CD109: variants seen among roughly 807,000 people sequenced by gnomAD.
CD109 encodes CD109 antigen.
A neutral mutation model predicts 165.8 loss-of-function variants in CD109; 149 were observed. The ratio of observed to expected loss-of-function variants is 0.90; its 90% CI spans 0.79 to 1.03. CD109 has a LOEUF of 1.03. CD109 is among the 50% of genes least tolerant of loss of function. The pLI is 0.00. For synonymous variants in CD109, 585 were observed against 592.1 expected (o/e 0.99, Z 0.18); for missense variants, 1,712 against 1,677.8 (o/e 1.02, Z -0.36).
chr6:73,809,944 C>A, intron 26 of CD109, 40 bp from the exon 27 acceptor site: 1 of 1,510,322 alleles, frequency 6.6e-7, no homozygotes, highest in South Asian at 1.3e-5. Flanking sequence ...TGTAATTTTT[C>A]TGGATAATTG....
chr6:73,762,687 C>G (rs1582119235), intron 8 of CD109, 54 bp from the exon 9 acceptor site: 1 of 1,441,936 alleles, frequency 6.9e-7, no homozygotes, highest in African/African-American at 1.4e-5. Context: ...AGTTTTATTT[C>G]TAAAATTTGA....
intron 5 of CD109, among the ~76,000 whole-genome samples, chr6:73,750,765 G>A (rs962277783): frequency 2.6e-5 from 4 of 152,096 alleles, no homozygotes; most frequent in African/African-American, 9.7e-5. Flanking sequence ...AGTTATTTAT[G>A]TGTAACTGTG....
chr6:73,782,540 A>G, intron 17 of CD109, 74 bp from the exon 18 acceptor site: 2 of 1,423,426 alleles, frequency 1.4e-6, no homozygotes, highest in Non-Finnish European at 2.0e-6. Flanking sequence ...ATTGACATTC[A>G]TTTTGTATGT....
chr6:73,790,649 C>G, intron 22 of CD109, among the ~76,000 whole-genome samples: 1 of 152,004 alleles, frequency 6.6e-6, no homozygotes, highest in East Asian at 1.9e-4. Flanking sequence ...AAATCCCAGT[C>G]CTAGGAGAAG....
intron 2 of CD109, among the ~76,000 whole-genome samples, chr6:73,706,676 G>A (rs1325508961): frequency 6.6e-5 from 10 of 152,246 alleles, no homozygotes; most frequent in Middle Eastern, 3.4e-3. Flanking sequence ...TTGGTGGAGG[G>A]GGTAGCAGTA....
At chr6:73,728,036 T>G (rs1772204264) in intron 3 of CD109, among the ~76,000 whole-genome samples, 2 of 152,100 alleles carry the variant, frequency 1.3e-5, no homozygotes, top group African/African-American at 4.8e-5. Context: ...AAATACTTCT[T>G]TAGGCTGGGC....
intron 5 of CD109, among the ~76,000 whole-genome samples, chr6:73,746,902 C>G (rs971636922): frequency 6.6e-6 from 1 of 152,204 alleles, no homozygotes; most frequent in Non-Finnish European, 1.5e-5. Context: ...GATCCAGGAA[C>G]AAAACTGTCT....
At chr6:73,755,953 C>T (rs954735232) in intron 5 of CD109, among the ~76,000 whole-genome samples, 1 of 151,534 alleles carries the variant, frequency 6.6e-6, no homozygotes. Context: ...AAAGTGAGAC[C>T]CTGTCTGAAA....
rs770712383 is a variant in CD109 at position 73,766,056 on chromosome 6, A to G, written c.1234A>G (p.Met412Val). The part of the protein sequence containing the change: ...WSGSNSGNQK[M>V]EAVQKINYTV... ...CGGATCTAACAGTGGAAATCAGAAA[A>G]TGGAAGCTGTTCAGAAAATAAATTA... is the stretch of plus-strand genomic sequence containing the variant. The change falls in exon 11 of 33, where the codon ATG (methionine) becomes GTG (valine). Residue 412 changes from methionine to valine, a missense_variant. By Grantham distance (21) the Met-to-Val change is conservative (BLOSUM62 1). Coordinates refer to ENST00000287097, the MANE Select transcript of CD109 (RefSeq NM_133493.5). 1 of 1,614,112 alleles carries G rather than the reference A, an allele frequency of 6.2e-7. No individual in the cohort carries two copies. Among genetic ancestry groups the G allele is most frequent in the South Asian group, 1.1e-5 (1 of 91,074 alleles).
intron 27 of CD109, among the ~76,000 whole-genome samples, 169 bp downstream of exon 27, chr6:73,810,343 A>G (rs1027839334): frequency 3.3e-5 from 5 of 150,338 alleles, no homozygotes; most frequent in Non-Finnish European, 5.9e-5. Flanking sequence ...TCATAAAATT[A>G]CTTGGCAGTT....
chr6:73,742,104 C>G (rs528620291), intron 5 of CD109, among the ~76,000 whole-genome samples: 1 of 152,170 alleles, frequency 6.6e-6, no homozygotes, highest in African/African-American at 2.4e-5. Context: ...CATTCATCAC[C>G]ACCATCCATC....
intron 27 of CD109, among the ~76,000 whole-genome samples, 170 bp downstream of exon 27, chr6:73,810,344 C>T (rs1264527390): frequency 6.7e-6 from 1 of 149,624 alleles, no homozygotes; most frequent in Non-Finnish European, 1.5e-5. Context: ...CATAAAATTA[C>T]TTGGCAGTTT....
chr6:73,792,708 T>C lies in CD109; in HGVS notation c.2784T>C (p.Asn928=). ...GCTGTGGTGAACAGAACATGATAAA[T>C]TTTGCTCCAAATATTTACATTTTGG... ...PYGCGEQNMI[N]FAPNIYILDY... The change falls in exon 23 of 33, where the codon AAT becomes AAC. Residue 928 remains asparagine, a synonymous_variant. Coordinates refer to ENST00000287097, the MANE Select transcript of CD109 (RefSeq NM_133493.5). The C allele has an allele frequency of 1.2e-6, 2 of 1,613,100 alleles. No individual in the cohort carries two copies. The highest frequency in any genetic ancestry group is 1.1e-5 in the South Asian group (1 of 91,062).
At chr6:73,820,638 C>G in intron 32 of CD109, 75 bp downstream of exon 32, 1 of 890,408 alleles carries the variant, frequency 1.1e-6, no homozygotes, top group South Asian at 1.7e-5. Flanking sequence ...AGTGACCACA[C>G]ATTGGATTGG....
At chr6:73,681,873 G>T in the CD109 span, among the ~76,000 whole-genome samples, 2 of 152,008 alleles carry the variant, frequency 1.3e-5, no homozygotes, top group Admixed American at 6.6e-5. Flanking sequence ...AAAGTGCTGG[G>T]ATTACAGGTC....
At chr6:73,684,845 C>A in the CD109 span, among the ~76,000 whole-genome samples, 10 of 151,072 alleles carry the variant, frequency 6.6e-5, no homozygotes, top group African/African-American at 2.4e-4. Flanking sequence ...TCTGGCTAGT[C>A]TTTTTAGTTT....
Position 73,808,162 on chromosome 6 carries a change from C to G in CD109, c.3269C>G (p.Ala1090Gly). 1 of 1,613,432 alleles carries G rather than the reference C, an allele frequency of 6.2e-7. No individual in the cohort carries two copies. Among genetic ancestry groups the G allele is most frequent in the Non-Finnish European group, 8.5e-7 (1 of 1,179,590 alleles). Residue 1090 changes from alanine (A) to glycine (G), a missense_variant, in exon 26 of 33, where the codon GCC (alanine) becomes GGC (glycine). By Grantham distance (60) the Ala-to-Gly change is moderately conservative. Transcript: ENST00000287097. ...SRGISDNYTL[A>G]LITYALSSVG... is the part of the protein sequence containing the mutation. ...GGAATTTCAGACAATTATACTCTAG[C>G]CCTTATAACTTATGCATTGTCATCA... is the stretch of plus-strand genomic sequence containing the variant.
At chr6:73,723,398 C>T in intron 3 of CD109, 119 bp downstream of exon 3, 2 of 826,668 alleles carry the variant, frequency 2.4e-6, no homozygotes, top group Non-Finnish European at 3.9e-6. Flanking sequence ...GTAAGTTTGG[C>T]TTGAGTTTAG....
At chr6:73,721,272 T>C (rs1771937858) in intron 2 of CD109, among the ~76,000 whole-genome samples, 1 of 152,184 alleles carries the variant, frequency 6.6e-6, no homozygotes, top group Admixed American at 6.5e-5. Flanking sequence ...GGAGGCCCAC[T>C]GGGGTGGTAG....
Sources: allele counts gnomAD v4.1 joint callset (sites outside exome capture counted in the v4.1 genomes callset), GRCh38; gene constraint gnomAD v4.1.1; transcripts MANE v1.5; gene names NCBI Gene and HGNC (gene_info 2026-07-23, HGNC 2026-07-21).